The following XIRP2 variants were observed in gnomAD, a reference collection of about 807,000 sequenced individuals.
XIRP2 encodes xin actin-binding repeat-containing protein 2.
In XIRP2, 236 loss-of-function variants were observed where a neutral mutation model predicts 277.0. That is an observed-to-expected ratio of 0.85 (90% CI 0.77 to 0.95). The LOEUF is 0.95. XIRP2 is among the 40% of genes least tolerant of loss of function. The pLI is 0.00. For missense variants in XIRP2, 4,640 were observed against 4,157.5 expected (o/e 1.12, Z -3.19); for synonymous variants, 1,490 against 1,416.5 (o/e 1.05, Z -1.17).
In XIRP2 at chr2:167,140,045, A is replaced by G. The variant is rs967743074; in HGVS notation, c.562+3983A>G. ...TATTAAAATGTATGTGGATAAGGAG[A>G]AAGTTCATGTTGGCAAAATAGATAA... On this transcript the variant is annotated intron_variant, in intron 3 of 10. Coordinates refer to ENST00000409195, the MANE Select transcript of XIRP2 (RefSeq NM_152381.6). Among the ~76,000 whole-genome samples the G allele has an allele frequency of 8.9e-3, 13 of 1,468 alleles. 1 individual carries two copies. The highest frequency in any genetic ancestry group is 0.014 in the Non-Finnish European group (9 of 650). 1.0% of individuals were successfully genotyped at this position (1,468 alleles called of 152,430 possible).
chr2:166,940,559 T>TC (rs1685677069), intron 2 of XIRP2, among the ~76,000 whole-genome samples: 1 of 152,184 alleles, frequency 6.6e-6, no homozygotes, highest in Non-Finnish European at 1.5e-5. Context: ...GCTCTGTTTT[T>TC]CCCCCATCTT....
At chr2:167,057,338 G>A (rs1290744226) in intron 2 of XIRP2, among the ~76,000 whole-genome samples, 1 of 142,900 alleles carries the variant, frequency 7.0e-6, no homozygotes, top group Admixed American at 6.9e-5. Flanking sequence ...TTCATGGGAG[G>A]AAATCACACT....
intron 2 of XIRP2, among the ~76,000 whole-genome samples, chr2:167,015,774 T>C (rs1019600577): frequency 3.3e-5 from 5 of 151,746 alleles, no homozygotes; most frequent in African/African-American, 1.2e-4. Flanking sequence ...TTTGTAAAAA[T>C]TTTTAAGTAG....
At chr2:166,943,031 A>G (rs1685760668) in intron 2 of XIRP2, among the ~76,000 whole-genome samples, 1 of 152,172 alleles carries the variant, frequency 6.6e-6, no homozygotes, top group Admixed American at 6.5e-5. Context: ...TAAATTTAAT[A>G]CCATTAAATA....
intron 5 of XIRP2, among the ~76,000 whole-genome samples, chr2:167,219,603 C>A (rs1694362365): frequency 6.6e-6 from 1 of 152,200 alleles, no homozygotes; most frequent in South Asian, 2.1e-4. Context: ...TGCAGTTGCA[C>A]AGGGTCCTGT....
chr2:167,028,702 A>G (rs1013462240), intron 2 of XIRP2, among the ~76,000 whole-genome samples: 2 of 151,970 alleles, frequency 1.3e-5, no homozygotes, highest in Non-Finnish European at 2.9e-5. Context: ...AAAACATGAC[A>G]TCACCAAATG....
chr2:166,994,319 G>C (rs1443873305), intron 2 of XIRP2, among the ~76,000 whole-genome samples: 37 of 81,780 alleles, frequency 4.5e-4, no homozygotes, highest in African/African-American at 1.7e-3. Flanking sequence ...ACACTCTGGG[G>C]ACTGTGGTGG....
At chr2:167,138,886 G>C (rs541372807) in intron 3 of XIRP2, among the ~76,000 whole-genome samples, 2 of 152,110 alleles carry the variant, frequency 1.3e-5, no homozygotes, top group African/African-American at 4.8e-5. Flanking sequence ...GACCAACATG[G>C]TGAAACCCCA....
At position 167,121,404 on chromosome 2, in the gene XIRP2, T is replaced by C. The variant is rs574906246; in HGVS notation, c.409-14505T>C. ...TTTCAAAAGGTCAAAGAAAATGAAA[T>C]AAAAAATGGATGTGAAAACAGAGAA... On this transcript the variant is annotated intron_variant, in intron 2 of 10. Coordinates refer to ENST00000409195, the MANE Select transcript of XIRP2 (RefSeq NM_152381.6). 2.0e-5 allele frequency among the ~76,000 whole-genome samples: 3 copies of C among 152,150 alleles called. No homozygotes were observed. In the South Asian group the frequency reaches 6.2e-4, roughly 32 times the overall value.
At chr2:167,148,120 G>T (rs368150721) in intron 3 of XIRP2, among the ~76,000 whole-genome samples, 1 of 152,062 alleles carries the variant, frequency 6.6e-6, no homozygotes, top group East Asian at 1.9e-4. Context: ...GGTGGCTCAC[G>T]ACTGTAACCT....
At chr2:166,909,785 C>A (rs1453369184) in intron 2 of XIRP2, among the ~76,000 whole-genome samples, 1 of 152,150 alleles carries the variant, frequency 6.6e-6, no homozygotes, top group Non-Finnish European at 1.5e-5. Context: ...TTTTGAGATA[C>A]ATCCCATCAA....
chr2:167,037,098 A>C (rs1283158040), intron 2 of XIRP2, among the ~76,000 whole-genome samples: 1 of 152,166 alleles, frequency 6.6e-6, no homozygotes, highest in African/African-American at 2.4e-5. Context: ...ACCCCAATTC[A>C]ATAATAGCTG....
At chr2:166,915,984 G>A (rs144756664) in intron 2 of XIRP2, among the ~76,000 whole-genome samples, 218 of 152,228 alleles carry the variant, frequency 1.4e-3, no homozygotes, top group Non-Finnish European at 2.6e-3. Context: ...TTGCATAATT[G>A]GAGGCATGGA....
At chr2:167,141,713 T>C (rs1691722392) in intron 3 of XIRP2, among the ~76,000 whole-genome samples, 1 of 151,950 alleles carries the variant, frequency 6.6e-6, no homozygotes, top group South Asian at 2.1e-4. Flanking sequence ...AAATAAAAAA[T>C]TAGCTGGGCT....
At position 167,250,343 on chromosome 2, in the gene XIRP2, C is replaced by T; in HGVS notation, c.8951C>T (p.Pro2984Leu). 5 of 1,613,474 alleles carry T rather than the reference C, an allele frequency of 3.1e-6. No homozygotes were observed. Among genetic ancestry groups the T allele is most frequent in the Non-Finnish European group, 4.2e-6 (5 of 1,179,682 alleles). ...TTTCAGACACTATTAAATACTATCC[C>T]AGGATGGCTGATAAGTGAAGATAAG... ...KTFQTLLNTI[P>L]GWLISEDKRE... The change falls in exon 9 of 11, where the codon CCA (proline) becomes CTA (leucine). Residue 2984 changes from proline (P) to leucine (L), a missense_variant. By Grantham distance (98) the Pro-to-Leu change is moderately conservative. Coordinates refer to ENST00000409195, the MANE Select transcript of XIRP2 (RefSeq NM_152381.6).
chr2:167,001,630 T>A (rs539637476), intron 2 of XIRP2, among the ~76,000 whole-genome samples: 78 of 152,272 alleles, frequency 5.1e-4, no homozygotes, highest in Non-Finnish European at 8.2e-4. Flanking sequence ...GTAAATAACC[T>A]GCATTATTAG....
chr2:167,026,357 G>A (rs1055153668), intron 2 of XIRP2, among the ~76,000 whole-genome samples: 37 of 152,136 alleles, frequency 2.4e-4, no homozygotes, highest in African/African-American at 7.9e-4. Flanking sequence ...GTCTCTGCAC[G>A]TGAGATGGGT....
At position 167,257,939 on chromosome 2, in the gene XIRP2, G is replaced by A; in HGVS notation, c.*122G>A. On this transcript the variant is annotated 3_prime_UTR_variant, in exon 11 of 11. Transcript: ENST00000409195. ...ACTTTTCAAATCCAAAGGAAATTATGATGAAGGTTTTGGACATAAGCAGCA... is the reference window on the plus strand; with the variant it reads ...ACTTTTCAAATCCAAAGGAAATTATAATGAAGGTTTTGGACATAAGCAGCA... The A allele has an allele frequency of 6.2e-7, 1 of 1,612,806 alleles. No homozygotes were observed.
chr2:166,896,714 A>G (rs932872689), intron 1 of XIRP2, among the ~76,000 whole-genome samples: 1 of 152,152 alleles, frequency 6.6e-6, no homozygotes, highest in African/African-American at 2.4e-5. Flanking sequence ...CTATGTATAT[A>G]TAATGTTTAT....
Sources: allele counts gnomAD v4.1 joint callset (sites outside exome capture counted in the v4.1 genomes callset), GRCh38; gene constraint gnomAD v4.1.1; transcripts MANE v1.5; gene names NCBI Gene and HGNC (gene_info 2026-07-23, HGNC 2026-07-21).